RAB38: variants seen among roughly 807,000 people sequenced by gnomAD.
The protein encoded by RAB38 is RAB38, member RAS oncogene family.
A neutral mutation model predicts 18.4 loss-of-function variants in RAB38; 15 were observed. The ratio of observed to expected loss-of-function variants is 0.82; its 90% confidence interval spans 0.55 to 1.26. The LOEUF (loss-of-function observed/expected upper bound fraction) is 1.26. Ranked by LOEUF, RAB38 falls within the 50% of genes most tolerant of loss-of-function variation. The pLI, the probability that RAB38 is intolerant of heterozygous loss-of-function variation, is 0.00. For missense variants in RAB38, 294 were observed against 267.4 expected, an observed-to-expected ratio of 1.10 and a Z score of -0.69; for synonymous variants, 101 against 104.4, an observed-to-expected ratio of 0.97 and a Z score of 0.20.
chr11:88,128,329 G>A (rs536076815), intron 2 of RAB38, among the ~76,000 whole-genome samples: 17 of 152,328 alleles, frequency 1.1e-4, no homozygotes, highest in Admixed American at 5.2e-4. Context: ...AAACTTGTGG[G>A]AGAGCTGAGA....
the RAB38 span, among the ~76,000 whole-genome samples, chr11:88,026,562 CAAAAAAAAAAAAA>C: frequency 1.1e-4 from 6 of 54,252 alleles, no homozygotes; most frequent in Non-Finnish European, 2.0e-4. Flanking sequence ...GACTCTGTCA[CAAAAAAAAAAAAA>C]AAAAAAAAAA....
At chr11:87,821,128 T>C in the RAB38 span, among the ~76,000 whole-genome samples, 4 of 152,190 alleles carry the variant, frequency 2.6e-5, no homozygotes, top group African/African-American at 7.2e-5. Context: ...ACATTTTTTT[T>C]AAGTCCAATA....
the RAB38 span, among the ~76,000 whole-genome samples, chr11:87,878,834 G>A: frequency 1.3e-5 from 2 of 151,608 alleles, no homozygotes; most frequent in East Asian, 3.9e-4. Flanking sequence ...TGTGACTTTG[G>A]CTCAAGGATG....
chr11:88,160,763 A>T (rs1943180192), intron 1 of RAB38, among the ~76,000 whole-genome samples: 1 of 152,260 alleles, frequency 6.6e-6, no homozygotes, highest in Middle Eastern at 3.4e-3. Context: ...CCTCACCTAT[A>T]AGTGGGAGCT....
chr11:87,932,798 C>T, the RAB38 span, among the ~76,000 whole-genome samples: 1 of 152,104 alleles, frequency 6.6e-6, no homozygotes, highest in Non-Finnish European at 1.5e-5. Flanking sequence ...TTAATGGCAG[C>T]TGTGTCCCAG....
the RAB38 span, among the ~76,000 whole-genome samples, chr11:87,862,500 G>GTTGTT: frequency 6.6e-6 from 1 of 151,838 alleles, no homozygotes; most frequent in South Asian, 2.1e-4. Flanking sequence ...ACACACTGGG[G>GTTGTT]CCTATCAGAG....
At chr11:87,924,969 T>C in the RAB38 span, among the ~76,000 whole-genome samples, 132 of 152,138 alleles carry the variant, frequency 8.7e-4, 1 homozygote, top group African/African-American at 2.8e-3. Flanking sequence ...TTTCTCCTTT[T>C]CCTCTTCCAG....
At chr11:88,097,014 G>A in the RAB38 span, among the ~76,000 whole-genome samples, 3 of 151,498 alleles carry the variant, frequency 2.0e-5, no homozygotes, top group African/African-American at 7.3e-5. Flanking sequence ...TTTTTAAATA[G>A]AAAAACAATT....
the RAB38 span, among the ~76,000 whole-genome samples, chr11:88,024,877 G>A: frequency 6.6e-6 from 1 of 151,104 alleles, no homozygotes; most frequent in Admixed American, 6.7e-5. Context: ...GTAGTGTGGG[G>A]TGGGGTGGAG....
chr11:87,932,015 G>A, the RAB38 span, among the ~76,000 whole-genome samples: 1 of 151,898 alleles, frequency 6.6e-6, no homozygotes, highest in African/African-American at 2.4e-5. Context: ...CTGCTTCTGA[G>A]GATGAAATTG....
At chr11:87,887,393 T>C in the RAB38 span, among the ~76,000 whole-genome samples, 1 of 151,988 alleles carries the variant, frequency 6.6e-6, no homozygotes, top group Non-Finnish European at 1.5e-5. Context: ...AACTGACTAA[T>C]ACTTAGCATA....
the RAB38 span, among the ~76,000 whole-genome samples, chr11:88,095,078 T>C: frequency 6.6e-6 from 1 of 151,856 alleles, no homozygotes. Context: ...CTTTCTTTTT[T>C]CTTGCACCAT....
At chr11:87,838,413 C>G in the RAB38 span, among the ~76,000 whole-genome samples, 2 of 152,202 alleles carry the variant, frequency 1.3e-5, no homozygotes, top group Admixed American at 1.3e-4. Flanking sequence ...TGTGCCTGGT[C>G]TACTTACATT....
At chr11:88,095,242 T>C in the RAB38 span, among the ~76,000 whole-genome samples, 1 of 151,928 alleles carries the variant, frequency 6.6e-6, no homozygotes, top group Non-Finnish European at 1.5e-5. Context: ...CCTGACATAA[T>C]CCCATTTCTC....
chr11:87,838,778 T>C, the RAB38 span, among the ~76,000 whole-genome samples: 39,292 of 152,170 alleles, frequency 0.26, 6,396 homozygotes, highest in African/African-American at 0.46. Flanking sequence ...TGAAATAGTT[T>C]TGCCAGCTCA....
chr11:88,138,276 T>G (rs1942860356), intron 2 of RAB38, among the ~76,000 whole-genome samples: 1 of 152,210 alleles, frequency 6.6e-6, no homozygotes, highest in African/African-American at 2.4e-5. Context: ...TTAAGGAATA[T>G]TCATTGAAAA....
the RAB38 span, among the ~76,000 whole-genome samples, chr11:87,920,283 A>T: frequency 6.6e-6 from 1 of 151,854 alleles, no homozygotes; most frequent in Non-Finnish European, 1.5e-5. Flanking sequence ...TTATTATTAT[A>T]ATCTTCTCTC....
In RAB38 at chr11:88,175,241, G is replaced by C. The variant is rs892950138; in HGVS notation, c.144C>G (p.Leu48=). ...TCTCCGGGTCCCAGTGGAGCACCTT[G>C]AGCGCGAAGTCCACGCCGATTGTGG... ...YRATIGVDFA[L]KVLHWDPETV... Residue 48 remains leucine (L), a synonymous_variant, in exon 1 of 3, where the codon CTC becomes CTG. Transcript: ENST00000243662. 3.1e-6 allele frequency: 5 copies of C among 1,614,118 alleles called. No homozygotes were observed. The highest frequency in any genetic ancestry group is 3.4e-6 in the Non-Finnish European group (4 of 1,180,020).
the RAB38 span, among the ~76,000 whole-genome samples, chr11:87,822,058 C>G: frequency 6.7e-6 from 1 of 150,292 alleles, no homozygotes; most frequent in East Asian, 1.9e-4. Context: ...ATTTCAAACA[C>G]AAAGTTGAAA....
Sources: gnomAD v4.1 joint callset for allele counts (sites outside exome capture counted in the v4.1 genomes callset) on GRCh38, gnomAD v4.1.1 for gene constraint, MANE v1.5 for transcripts, NCBI Gene and HGNC (gene_info 2026-07-23, HGNC 2026-07-21) for gene names.